The following GGA2 variants were observed in gnomAD, a reference collection of about 807,000 sequenced individuals.
GGA2 encodes the protein golgi associated, gamma adaptin ear containing, ARF binding protein 2, also known as ADP-ribosylation factor-binding protein GGA2.
Under a neutral mutation model 79.5 loss-of-function variants are expected in GGA2, and 48 were observed. The observed-to-expected ratio is 0.60, with a 90% confidence interval of 0.48 to 0.77. The LOEUF is 0.77. Among genes scored for constraint, GGA2 ranks in the 30% least tolerant of loss-of-function variants. GGA2 has a pLI of 0.00. For synonymous variants in GGA2, 317 were observed against 302.0 expected, an observed-to-expected ratio of 1.05 and a Z score of -0.51; for missense variants, 770 against 774.0, an observed-to-expected ratio of 0.99 and a Z score of 0.06.
intron 9 of GGA2, 56 bp from the exon 10 acceptor site, chr16:23,480,826 C>G (rs1399778182): frequency 3.9e-6 from 6 of 1,526,958 alleles, no homozygotes; most frequent in Non-Finnish European, 5.4e-6. Context: ...CAATCTCAGT[C>G]TTTTCTAAGC....
chr16:23,511,137 CATTT>C (rs1965053630), upstream of GGA2, among the ~76,000 whole-genome samples: 1 of 151,844 alleles, frequency 6.6e-6, no homozygotes, highest in Non-Finnish European at 1.5e-5. Context: ...AAAGTGCTTG[CATTT>C]ATTTTTTATT....
chr16:23,490,580 C>T (rs1033315449), intron 5 of GGA2, among the ~76,000 whole-genome samples: 1 of 151,658 alleles, frequency 6.6e-6, no homozygotes, highest in Admixed American at 6.6e-5. Context: ...ACTAAAAATA[C>T]AAAAATTAGC....
Position 23,499,703 on chromosome 16 carries a change from C to G in GGA2, c.92-3925G>C, listed in dbSNP as rs144966411. On this transcript the variant is annotated intron_variant, in intron 1 of 16. Transcript: ENST00000309859. ...GGTCTCGATCTCCTGACCTCGTGAT[C>G]CGCCCGCCTCGGCCCCCCAAAGTGT... Among the ~76,000 whole-genome samples the G allele has an allele frequency of 6.9e-3, 1,056 of 152,286 alleles. 12 individuals are homozygous for G. Among genetic ancestry groups the G allele is most frequent in the Middle Eastern group, 0.041 (12 of 294 alleles).
intron 2 of GGA2, among the ~76,000 whole-genome samples, chr16:23,516,403 C>T (rs1246038456): frequency 2.6e-5 from 4 of 152,060 alleles, no homozygotes; most frequent in Non-Finnish European, 5.9e-5. Flanking sequence ...TCTGGAGAAC[C>T]CTAACCTAGG....
At chr16:23,497,370 T>C (rs577929623) in intron 1 of GGA2, among the ~76,000 whole-genome samples, 2 of 152,272 alleles carry the variant, frequency 1.3e-5, no homozygotes, top group South Asian at 4.1e-4. Context: ...TTCCTCCCGC[T>C]GCGCCAACCC....
rs747671377 is a variant in GGA2, at chr16:23,478,874, C to A, written c.1158+9G>T. On this transcript the variant is annotated intron_variant, in intron 12 of 16. Coordinates refer to ENST00000309859, the MANE Select transcript of GGA2 (RefSeq NM_015044.4). The stretch of plus-strand genomic sequence containing the variant: ...TTCTCTCTCCGGGCCCTGGGAAGGG[C>A]ATCCTTACCATGCCTGTAACAGGAG... The A allele has an allele frequency of 6.3e-7, 1 of 1,596,978 alleles. No homozygotes were observed. The highest frequency in any genetic ancestry group is 8.6e-7 in the Non-Finnish European group (1 of 1,165,254).
At chr16:23,491,574 C>A (rs2142131500) in intron 5 of GGA2, 103 bp downstream of exon 5, 14 of 845,786 alleles carry the variant, frequency 1.7e-5, no homozygotes, top group Non-Finnish European at 2.0e-5. Context: ...TATGGTCCTA[C>A]ATAAGAAGTA....
intron 13 of GGA2, 116 bp from the exon 14 acceptor site, chr16:23,475,177 G>A (rs1280323867): frequency 7.8e-6 from 4 of 509,868 alleles, no homozygotes; most frequent in Non-Finnish European, 1.4e-5. Flanking sequence ...CACAGAGTTA[G>A]ATGTTATATG....
chr16:23,478,931 T>A lies in GGA2; in HGVS notation c.1130-20A>T. On this transcript the variant is annotated intron_variant, in intron 11 of 16. Coordinates refer to ENST00000309859, the MANE Select transcript of GGA2 (RefSeq NM_015044.4). ...TGATTCCTGTAAGAAAGGAGTAGAG[T>A]GAGATGCCTAACAGTAACTCCACCT... 3.2e-6 allele frequency: 5 copies of A among 1,564,162 alleles called. No homozygotes were observed. Among genetic ancestry groups the A allele is most frequent in the Non-Finnish European group, 4.4e-6 (5 of 1,134,768 alleles).
chr16:23,478,718 A>G, intron 12 of GGA2, 165 bp downstream of exon 12: 1 of 736,840 alleles, frequency 1.4e-6, no homozygotes, highest in East Asian at 2.6e-5. Flanking sequence ...TCCCCCAGGT[A>G]TCAGCCAGAC....
At chr16:23,492,367 G>A (rs1045415194) in intron 4 of GGA2, among the ~76,000 whole-genome samples, 7 of 152,170 alleles carry the variant, frequency 4.6e-5, no homozygotes. Flanking sequence ...GGGCAGGGGG[G>A]TGTGAACTAG....
upstream of GGA2, chr16:23,524,289 C>G (rs527418211): frequency 3.2e-6 from 4 of 1,240,632 alleles, no homozygotes; most frequent in Non-Finnish European, 4.7e-6. Flanking sequence ...CGACGGGCCC[C>G]AGGCCTCCTT....
intron 2 of GGA2, among the ~76,000 whole-genome samples, chr16:23,518,979 G>C (rs1433825079): frequency 6.6e-6 from 1 of 151,420 alleles, no homozygotes; most frequent in African/African-American, 2.4e-5. Flanking sequence ...GTAGGATAAA[G>C]GCAGTATGAA....
chr16:23,517,771 T>C (rs1411527148), intron 2 of GGA2, among the ~76,000 whole-genome samples: 3 of 152,048 alleles, frequency 2.0e-5, no homozygotes, highest in Non-Finnish European at 4.4e-5. Context: ...AGCTAATTTT[T>C]TGTGTTTTTA....
chr16:23,480,922 C>T (rs1283639334), intron 9 of GGA2, 152 bp from the exon 10 acceptor site: 2 of 686,612 alleles, frequency 2.9e-6, no homozygotes, highest in African/African-American at 3.6e-5. Context: ...CGGACCCTAT[C>T]AGGCCTAGTC....
At chr16:23,481,256 C>T (rs1486242053) in intron 9 of GGA2, among the ~76,000 whole-genome samples, 1 of 152,078 alleles carries the variant, frequency 6.6e-6, no homozygotes, top group African/African-American at 2.4e-5. Context: ...GCCTGTAATC[C>T]CAGCTATTCG....
rs968449986 is a variant in GGA2, at chr16:23,467,083, G to C, written c.*507C>G. On this transcript the variant is annotated 3_prime_UTR_variant, in exon 17 of 17. Transcript: ENST00000309859. ...GAAAATGGAGACAAGGTCTTTCTTG[G>C]AAGAGAGTGCCCAAGTAGATACTCT... 2 of 154,908 alleles carry C rather than the reference G, an allele frequency of 1.3e-5. No homozygotes were observed. Among genetic ancestry groups the C allele is most frequent in the African/African-American group, 2.4e-5 (1 of 41,386 alleles). The allele number at this position is 154,908 out of a possible 1,614,324, so 9.6% of individuals were successfully genotyped here.
chr16:23,497,625 G>A (rs766873419), intron 1 of GGA2, among the ~76,000 whole-genome samples: 1 of 152,100 alleles, frequency 6.6e-6, no homozygotes, highest in African/African-American at 2.4e-5. Flanking sequence ...CCCATGTTCC[G>A]TATCTTAAAA....
At chr16:23,488,574 T>G (rs1964743924) in intron 6 of GGA2, 32 bp downstream of exon 6, 1 of 1,234,958 alleles carries the variant, frequency 8.1e-7, no homozygotes, top group South Asian at 1.2e-5. Flanking sequence ...AGAAAAGGTC[T>G]GATCAGACAC....
Sources: allele counts gnomAD v4.1 joint callset (sites outside exome capture counted in the v4.1 genomes callset), GRCh38; gene constraint gnomAD v4.1.1; transcripts MANE v1.5; gene names NCBI Gene and HGNC (gene_info 2026-07-23, HGNC 2026-07-21).